MDGA2: variants seen among roughly 807,000 people sequenced by gnomAD.
The protein encoded by MDGA2 is MAM domain containing glycosylphosphatidylinositol anchor 2, also known as MAM domain-containing glycosylphosphatidylinositol anchor protein 2.
MDGA2 carries 40 observed loss-of-function variants against 117.8 expected under a neutral mutation model. The observed-to-expected ratio is 0.34, with a 90% CI of 0.26 to 0.44. MDGA2 has a LOEUF of 0.44. Ranked by LOEUF, MDGA2 falls within the 20% of genes least tolerant of loss-of-function variation. MDGA2 has a pLI of 1.00. For synonymous variants in MDGA2, 452 were observed against 439.0 expected, an observed-to-expected ratio of 1.03 and a Z score of -0.37; for missense variants, 1,123 against 1,250.6, an observed-to-expected ratio of 0.90 and a Z score of 1.54.
chr14:47,122,673 GA>G (rs1453970407), intron 5 of MDGA2, among the ~76,000 whole-genome samples: 4 of 152,036 alleles, frequency 2.6e-5, no homozygotes, highest in African/African-American at 9.7e-5. Flanking sequence ...AGTTATATGT[GA>G]CTAGCTCAAA....
At chr14:47,533,900 C>T (rs913378813) in intron 1 of MDGA2, among the ~76,000 whole-genome samples, 2 of 152,040 alleles carry the variant, frequency 1.3e-5, no homozygotes, top group Admixed American at 6.5e-5. Context: ...AGACAGTAAG[C>T]AAAAAGTACA....
chr14:47,584,574 T>C (rs557580839), intron 1 of MDGA2, among the ~76,000 whole-genome samples: 3 of 151,948 alleles, frequency 2.0e-5, no homozygotes, highest in East Asian at 1.9e-4. Context: ...CCTTCTGCTA[T>C]GGCACTGATT....
At position 47,147,457 on chromosome 14, in the gene MDGA2, T is replaced by A. The variant is rs562356596; in HGVS notation, c.596-3183A>T. Among the ~76,000 whole-genome samples the A allele has an allele frequency of 2.7e-3, 406 of 152,260 alleles. 4 individuals carry two copies. The highest frequency in any genetic ancestry group is 4.2e-3 in the Non-Finnish European group (285 of 68,014). On this transcript the variant is annotated intron_variant, in intron 3 of 16. Coordinates refer to ENST00000399232, the MANE Select transcript of MDGA2 (RefSeq NM_001113498.3). ...GAACTCTCTGAGCTGTGATATCCCC[T>A]CAAAGCTGCCCTGCCCTGAGGCAAA...
intron 1 of MDGA2, among the ~76,000 whole-genome samples, chr14:47,386,476 A>G (rs1171095774): frequency 1.3e-5 from 2 of 152,224 alleles, no homozygotes; most frequent in African/African-American, 2.4e-5. Flanking sequence ...AGACGTGAAC[A>G]TGGTAATCAT....
chr14:47,341,212 T>C (rs1178699839), intron 1 of MDGA2, among the ~76,000 whole-genome samples: 1 of 152,210 alleles, frequency 6.6e-6, no homozygotes, highest in Non-Finnish European at 1.5e-5. Flanking sequence ...AAAGAAACAG[T>C]TGAATTTCAC....
At chr14:47,145,307 TG>T (rs1342833019) in intron 3 of MDGA2, among the ~76,000 whole-genome samples, 1 of 152,268 alleles carries the variant, frequency 6.6e-6, no homozygotes, top group East Asian at 1.9e-4. Context: ...TCTCTACCAT[TG>T]CAGTGTGAAA....
At chr14:47,231,198 C>T (rs1886677377) in intron 2 of MDGA2, among the ~76,000 whole-genome samples, 1 of 151,992 alleles carries the variant, frequency 6.6e-6, no homozygotes, top group Admixed American at 6.6e-5. Context: ...TCTGTATTGA[C>T]TGTTTTTCTA....
rs913814453 is a variant in MDGA2 at position 47,196,003 on chromosome 14, C to CAT, written c.595+22016_595+22017dup. Reference sequence around the variant, plus strand: ...TAGTCCAGGCATTTAGTCATATATACATATATATATATCACTAGTTAAATA... The same window carrying CAT: ...TAGTCCAGGCATTTAGTCATATATACATATATATATATATCACTAGTTAAATA... On this transcript the variant is annotated intron_variant, in intron 3 of 16. Coordinates refer to ENST00000399232, the MANE Select transcript of MDGA2 (RefSeq NM_001113498.3). Among the ~76,000 whole-genome samples, 470 of 151,604 alleles carry CAT rather than the reference C, an allele frequency of 3.1e-3. 7 individuals are homozygous for CAT. Among genetic ancestry groups the CAT allele is most frequent in the African/African-American group, 9.9e-3 (409 of 41,406 alleles).
intron 1 of MDGA2, among the ~76,000 whole-genome samples, chr14:47,441,400 T>C (rs1364806632): frequency 1.3e-5 from 2 of 152,148 alleles, no homozygotes; most frequent in Non-Finnish European, 2.9e-5. Context: ...ACTGACCAAC[T>C]GAGGTTGCTC....
intron 3 of MDGA2, among the ~76,000 whole-genome samples, chr14:47,155,357 G>A (rs775539893): frequency 2.0e-4 from 30 of 152,006 alleles, no homozygotes; most frequent in South Asian, 4.1e-4. Context: ...TGCGGATGAT[G>A]AGAAGAAGAG....
At chr14:46,941,083 AG>A (rs1884981344) in intron 9 of MDGA2, among the ~76,000 whole-genome samples, 1 of 152,234 alleles carries the variant, frequency 6.6e-6, no homozygotes, top group African/African-American at 2.4e-5. Context: ...AACAAGAAAA[AG>A]AATAGAGCAC....
chr14:47,148,463 G>A lies in MDGA2; in HGVS notation c.596-4189C>T, dbSNP rs188364081. Among the ~76,000 whole-genome samples the A allele has an allele frequency of 1.4e-3, 211 of 152,202 alleles. 1 individual carries two copies. Among genetic ancestry groups the A allele is most frequent in the African/African-American group, 4.8e-3 (201 of 41,522 alleles). ...AATATTTTCTCTGTAAGACTCAATT[G>A]CCCTCTCTAAAAGGCCATTCTATCG... On this transcript the variant is annotated intron_variant, in intron 3 of 16. Coordinates refer to ENST00000399232, the MANE Select transcript of MDGA2 (RefSeq NM_001113498.3).
chr14:47,567,889 A>G (rs1280221787), intron 1 of MDGA2, among the ~76,000 whole-genome samples: 1 of 151,832 alleles, frequency 6.6e-6, no homozygotes, highest in East Asian at 2.0e-4. Context: ...ATTGTCTAAA[A>G]CCTCGTATTC....
intron 3 of MDGA2, among the ~76,000 whole-genome samples, chr14:47,176,545 T>A (rs149355213): frequency 0.084 from 12,844 of 152,164 alleles, 613 homozygotes; most frequent in Non-Finnish European, 0.09. Flanking sequence ...AAACAAGCAA[T>A]GGAGAAAGGA....
At chr14:47,129,011 T>A (rs1031873936) in intron 5 of MDGA2, among the ~76,000 whole-genome samples, 1 of 152,066 alleles carries the variant, frequency 6.6e-6, no homozygotes, top group Non-Finnish European at 1.5e-5. Context: ...TTCTTATGAT[T>A]ATTGATAAAG....
chr14:47,205,984 T>C (rs1348063144), intron 3 of MDGA2, among the ~76,000 whole-genome samples: 2 of 151,950 alleles, frequency 1.3e-5, no homozygotes, highest in African/African-American at 4.8e-5. Context: ...GAAGTAGAAT[T>C]TTACTCCCAC....
chr14:46,930,380 T>C (rs75373119), intron 9 of MDGA2, among the ~76,000 whole-genome samples: 4,677 of 152,204 alleles, frequency 0.031, 135 homozygotes, highest in South Asian at 0.12. Flanking sequence ...ATATCCTTTT[T>C]GGTATTCTAT....
rs150251226 is a variant in MDGA2, at chr14:47,576,979, A to G, written c.280+97538T>C. On this transcript the variant is annotated intron_variant, in intron 1 of 16. Transcript: ENST00000399232. The stretch of plus-strand genomic sequence containing the variant: ...TTGCCCAGGCTGGTCTCAAATGCCT[A>G]TGTTTAAGCAACCCTCTTGCCTCTG... Among the ~76,000 whole-genome samples the G allele has an allele frequency of 8.7e-3, 1,325 of 152,192 alleles. 16 individuals carry two copies. Among genetic ancestry groups the G allele is most frequent in the African/African-American group, 0.03 (1,238 of 41,518 alleles).
intron 10 of MDGA2, among the ~76,000 whole-genome samples, 154 bp downstream of exon 10, chr14:46,919,858 T>C (rs1884055799): frequency 6.6e-6 from 1 of 151,322 alleles, no homozygotes; most frequent in African/African-American, 2.5e-5. Flanking sequence ...GTAATATACA[T>C]AGGGTGAAAA....
Sources: gnomAD v4.1 joint callset for allele counts (sites outside exome capture counted in the v4.1 genomes callset) on GRCh38, gnomAD v4.1.1 for gene constraint, MANE v1.5 for transcripts, NCBI Gene and HGNC (gene_info 2026-07-23, HGNC 2026-07-21) for gene names.